EIF4G2: variants seen among roughly 807,000 people sequenced by gnomAD.
EIF4G2 encodes eukaryotic translation initiation factor 4 gamma 2.
A neutral mutation model predicts 117.7 loss-of-function variants in EIF4G2; 8 were observed. The observed-to-expected ratio is 0.07, with a 90% CI of 0.04 to 0.12. EIF4G2 has a LOEUF of 0.12. EIF4G2 is among the 10% of genes least tolerant of loss of function. The pLI is 1.00. For synonymous variants in EIF4G2, 413 were observed against 367.8 expected, an observed-to-expected ratio of 1.12 and a Z score of -1.41; for missense variants, 812 against 1,086.2, an observed-to-expected ratio of 0.75 and a Z score of 3.55.
intron 21 of EIF4G2, among the ~76,000 whole-genome samples, chr11:10,798,312 T>C (rs1590037849): frequency 1.3e-5 from 2 of 151,806 alleles, no homozygotes; most frequent in Non-Finnish European, 2.9e-5. Flanking sequence ...CCCCTAGGGC[T>C]ACAAGTTCAT....
chr11:10,800,034 G>T, intron 18 of EIF4G2, 56 bp downstream of exon 18: 1 of 1,567,042 alleles, frequency 6.4e-7, no homozygotes, highest in Non-Finnish European at 8.6e-7. Context: ...CAAGGTACCT[G>T]AAATCTCTAG....
chr11:10,806,980 T>G, intron 2 of EIF4G2, 95 bp from the exon 3 acceptor site: 1 of 1,441,238 alleles, frequency 6.9e-7, no homozygotes. Context: ...CTTGTAGAGA[T>G]GGGGGTCTCG....
chr11:10,797,748 G>C lies in EIF4G2; in HGVS notation c.*68C>G, dbSNP rs965926267. ...TACAGCGGAATGAATTTTCGCAGTG[G>C]TTAGGTCAAATGCAGTTACATCATA... On this transcript the variant is annotated 3_prime_UTR_variant, in exon 22 of 22. Coordinates refer to ENST00000339995, the MANE Select transcript of EIF4G2 (RefSeq NM_001418.4). The surrounding 1 kb of genome is among the most constrained non-coding windows in gnomAD (Gnocchi z 4.5). The C allele has an allele frequency of 2.7e-6, 4 of 1,492,822 alleles. No homozygotes were observed. Among genetic ancestry groups the C allele is most frequent in the Non-Finnish European group, 3.7e-6 (4 of 1,074,916 alleles). The allele number at this position is 1,492,822 out of a possible 1,614,324, so 92.5% of individuals were successfully genotyped here.
rs1486669718 is a variant in EIF4G2, at chr11:10,802,145, A to G, written c.1203T>C (p.His401=). Residue 401 remains histidine (H), a synonymous_variant, in exon 13 of 22, where the codon CAT becomes CAC. Coordinates refer to ENST00000339995, the MANE Select transcript of EIF4G2 (RefSeq NM_001418.4). ...GGCCATTGAAGAGTTGATTTGAACG[A>G]TGACGTCCCATGGTGGGTGAAAATC... 1 of 1,572,640 alleles carries G rather than the reference A, an allele frequency of 6.4e-7. No individual in the cohort carries two copies. Among genetic ancestry groups the G allele is most frequent in the Non-Finnish European group, 8.6e-7 (1 of 1,161,260 alleles).
intron 4 of EIF4G2, 84 bp downstream of exon 4, chr11:10,805,823 T>G: frequency 6.3e-7 from 1 of 1,586,084 alleles, no homozygotes. Flanking sequence ...GCATGAACCT[T>G]GCCTTCTTAG....
intron 21 of EIF4G2, 136 bp downstream of exon 21, chr11:10,798,856 G>C (rs528484649): frequency 1.0e-6 from 1 of 1,004,940 alleles, no homozygotes; most frequent in African/African-American, 1.6e-5. Context: ...AAATAGTGCA[G>C]AATGAAATGT....
At chr11:10,802,462 TTTTGTCTCTGGACACTA>T in intron 11 of EIF4G2, 27 bp from the exon 12 acceptor site, 1 of 1,537,706 alleles carries the variant, frequency 6.5e-7, no homozygotes, top group Non-Finnish European at 8.7e-7. Context: ...AATATGCACT[TTTTGTCTCTGGACACTA>T]TTTCACTTAA....
intron 2 of EIF4G2, 85 bp from the exon 3 acceptor site, chr11:10,806,970 C>CT (rs1474870971): frequency 1.3e-6 from 2 of 1,515,736 alleles, no homozygotes; most frequent in African/African-American, 2.7e-5. Flanking sequence ...TTTTGCTTTG[C>CT]TTGTAGAGAT....
intron 3 of EIF4G2, 178 bp from the exon 4 acceptor site, chr11:10,806,225 G>T: frequency 1.2e-6 from 1 of 817,660 alleles, no homozygotes; most frequent in Non-Finnish European, 1.9e-6. Context: ...TGAAGGGCTT[G>T]TTAATACAGA....
chr11:10,803,847 C>G lies in EIF4G2; in HGVS notation c.702+52G>C. On this transcript the variant is annotated intron_variant, in intron 8 of 21. Transcript: ENST00000339995. The surrounding 1 kb of genome is among the most constrained non-coding windows in gnomAD (Gnocchi z 4.0). ...CTCCCTCTTAGATGAATAATTGACT[C>G]ATTTCCTCCAAACGACTGACTACAT... The G allele has an allele frequency of 6.4e-7, 1 of 1,571,310 alleles. No individual in the cohort carries two copies. Among genetic ancestry groups the G allele is most frequent in the Non-Finnish European group, 8.7e-7 (1 of 1,155,958 alleles).
At chr11:10,804,829 G>A in intron 5 of EIF4G2, 84 bp downstream of exon 5, 2 of 1,140,346 alleles carry the variant, frequency 1.8e-6, no homozygotes, top group Non-Finnish European at 2.6e-6. Context: ...GTTTTAAGTA[G>A]TAATCCAAGT....
At chr11:10,801,454 G>A (rs764968486) in intron 14 of EIF4G2, 2 of 712,854 alleles carry the variant, frequency 2.8e-6, no homozygotes, top group Non-Finnish European at 5.0e-6. Context: ...TGCTCTAACA[G>A]ACTTTAGGAG....
At chr11:10,806,768 G>T in intron 3 of EIF4G2, 52 bp downstream of exon 3, 1 of 1,591,242 alleles carries the variant, frequency 6.3e-7, no homozygotes, top group South Asian at 1.1e-5. Context: ...ACATGGGAAA[G>T]ACTTTTAATC....
Position 10,805,088 on chromosome 11 carries a change from T to G in EIF4G2, c.249-73A>C. 5.0e-6 allele frequency: 6 copies of G among 1,210,998 alleles called. 1 individual carries two copies. In the South Asian group the frequency reaches 7.5e-5, roughly 15 times the overall value. The allele number at this position is 1,210,998 out of a possible 1,614,324, so 75.0% of individuals were successfully genotyped here. ...TTGAATTGAAAAACTGCTTTTAAAT[T>G]ATACTGATTTTTCTTCTAACTTGCT... On this transcript the variant is annotated intron_variant, in intron 4 of 21. Coordinates refer to ENST00000339995, the MANE Select transcript of EIF4G2 (RefSeq NM_001418.4).
At chr11:10,807,765 G>C (rs934414718) in intron 1 of EIF4G2, 2 of 991,332 alleles carry the variant, frequency 2.0e-6, no homozygotes, top group African/African-American at 3.5e-5. Flanking sequence ...CCAGCGACTA[G>C]ATGAGGTCTC....
Position 10,800,956 on chromosome 11 carries a change from C to G in EIF4G2, c.1539+6G>C. Reference sequence around the variant, plus strand: ...TTAGAAAATGCTGTCCTACTATGGTCTGTACCTGTCCCAGAGGTGGTGTTT... The same window carrying G: ...TTAGAAAATGCTGTCCTACTATGGTGTGTACCTGTCCCAGAGGTGGTGTTT... On this transcript the variant is annotated splice_donor_region_variant and intron_variant, in intron 15 of 21. Transcript: ENST00000339995. 6.2e-7 allele frequency: 1 copy of G among 1,614,128 alleles called. No homozygotes were observed. Among genetic ancestry groups the G allele is most frequent in the Non-Finnish European group, 8.5e-7 (1 of 1,179,992 alleles).
At position 10,804,857 on chromosome 11, in the gene EIF4G2, G is replaced by A; in HGVS notation, c.351+56C>T. ...ATCCAAGTGTAAAAAAACACAACTT[G>A]AGTTTGTTAAACAGTTCCCTCTCCC... is the stretch of plus-strand genomic sequence containing the variant. On this transcript the variant is annotated intron_variant, in intron 5 of 21. Coordinates refer to ENST00000339995, the MANE Select transcript of EIF4G2 (RefSeq NM_001418.4). 2.1e-6 allele frequency: 3 copies of A among 1,439,892 alleles called. No homozygotes were observed. In the Admixed American group the frequency reaches 5.2e-5, roughly 25 times the overall value. The allele number at this position is 1,439,892 out of a possible 1,614,324, so 89.2% of individuals were successfully genotyped here.
chr11:10,799,356 G>C lies in EIF4G2; in HGVS notation c.2393C>G (p.Ser798Cys). ...TTTTTCCTGCTCTAACTGTTCTTTG[G>C]AAGGAGCAGAGGATGAATCTGTTTC... Residue 798 changes from serine to cysteine, a missense_variant, in exon 20 of 22, where the codon TCC (serine) becomes TGC (cysteine). Around this residue, in one of 4 missense-constraint regions of EIF4G2, gnomAD observed 571 missense variants for 642.3 expected, o/e 0.89. Coordinates refer to ENST00000339995, the MANE Select transcript of EIF4G2 (RefSeq NM_001418.4). 1.2e-6 allele frequency: 2 copies of C among 1,613,422 alleles called. No homozygotes were observed. The highest frequency in any genetic ancestry group is 1.7e-6 in the Non-Finnish European group (2 of 1,180,010).
intron 11 of EIF4G2, among the ~76,000 whole-genome samples, chr11:10,802,648 A>T (rs1247498633): frequency 5.3e-5 from 8 of 152,176 alleles, no homozygotes; most frequent in African/African-American, 1.9e-4. Flanking sequence ...CTTGGTTTGC[A>T]TGAGGTCAGG....
Sources: allele counts gnomAD v4.1 joint callset (sites outside exome capture counted in the v4.1 genomes callset), GRCh38; gene constraint gnomAD v4.1.1; regional missense constraint gnomAD v4.1.1; non-coding constraint Gnocchi (gnomAD v3.1); transcripts MANE v1.5; gene names NCBI Gene and HGNC (gene_info 2026-07-23, HGNC 2026-07-21).